NRXN1: variants seen among roughly 807,000 people sequenced by gnomAD.
NRXN1 encodes the protein neurexin-1.
Under a neutral mutation model 150.9 loss-of-function variants are expected in NRXN1, and 39 were observed. That is an observed-to-expected ratio of 0.26 (90% CI 0.20 to 0.34). The LOEUF is 0.34. Among genes scored for constraint, NRXN1 ranks in the 10% least tolerant of loss-of-function variants. The probability of loss-of-function intolerance (pLI) is 1.00; values close to 1 mark genes in which losing one functional copy is unlikely to be tolerated. For missense variants in NRXN1, 1,815 were observed against 1,949.9 expected, an observed-to-expected ratio of 0.93 and a Z score of 1.30; for synonymous variants, 924 against 757.0, an observed-to-expected ratio of 1.22 and a Z score of -3.62.
chr2:50,205,993 T>C (rs905232574), intron 18 of NRXN1, among the ~76,000 whole-genome samples: 4 of 152,170 alleles, frequency 2.6e-5, no homozygotes, highest in East Asian at 1.9e-4. Flanking sequence ...AATTTGATTA[T>C]GGTGATGGTT....
At chr2:50,431,161 G>C (rs1304332841) in intron 17 of NRXN1, among the ~76,000 whole-genome samples, 1 of 151,974 alleles carries the variant, frequency 6.6e-6, no homozygotes, top group Non-Finnish European at 1.5e-5. Context: ...TCTTCTTTTT[G>C]TATGTCCAAT....
At chr2:50,852,510 T>C (rs1277803274) in intron 5 of NRXN1, among the ~76,000 whole-genome samples, 2 of 152,186 alleles carry the variant, frequency 1.3e-5, no homozygotes, top group Non-Finnish European at 2.9e-5. Flanking sequence ...AATTCTTTGA[T>C]TGTCAAAAAG....
At chr2:50,575,562 C>T (rs771661922) in intron 8 of NRXN1, among the ~76,000 whole-genome samples, 3 of 152,042 alleles carry the variant, frequency 2.0e-5, no homozygotes, top group Admixed American at 6.6e-5. Flanking sequence ...CTTTTTATTG[C>T]CTAATTTTAT....
At chr2:50,715,343 G>C (rs1695731193) in intron 5 of NRXN1, among the ~76,000 whole-genome samples, 1 of 152,120 alleles carries the variant, frequency 6.6e-6, no homozygotes, top group South Asian at 2.1e-4. Flanking sequence ...TTCTAGTTGT[G>C]TGACATTGGG....
chr2:50,765,440 C>G (rs1702272422), intron 5 of NRXN1, among the ~76,000 whole-genome samples: 1 of 152,080 alleles, frequency 6.6e-6, no homozygotes, highest in Non-Finnish European at 1.5e-5. Flanking sequence ...TATCTTCTCT[C>G]ACTTTTCTCT....
chr2:50,832,156 C>A (rs1671496052), intron 5 of NRXN1, among the ~76,000 whole-genome samples: 1 of 151,974 alleles, frequency 6.6e-6, no homozygotes. Flanking sequence ...TAAGCCTAAA[C>A]TAGAATGATC....
chr2:50,882,820 T>C lies in NRXN1; in HGVS notation c.832+39049A>G, dbSNP rs139522132. 2.7e-3 allele frequency among the ~76,000 whole-genome samples: 415 copies of C among 152,002 alleles called. 2 individuals carry two copies. Among genetic ancestry groups the C allele is most frequent in the African/African-American group, 8.6e-3 (358 of 41,532 alleles). On this transcript the variant is annotated intron_variant, in intron 5 of 22. Transcript: ENST00000401669. ...AACAATGAGTGACCATAATCATAAA[T>C]TGTGTATCATTTTTCTGTAACAGAC...
chr2:50,080,066 C>T (rs1308839010), intron 19 of NRXN1, among the ~76,000 whole-genome samples: 1 of 152,054 alleles, frequency 6.6e-6, no homozygotes, highest in Non-Finnish European at 1.5e-5. Context: ...CCACTCTGTC[C>T]CTCATGACAC....
chr2:50,505,289 A>G (rs148490804), intron 13 of NRXN1, among the ~76,000 whole-genome samples: 161 of 152,314 alleles, frequency 1.1e-3, no homozygotes, highest in African/African-American at 3.5e-3. Flanking sequence ...CCAATAAAAC[A>G]TAATTCACTT....
intron 5 of NRXN1, among the ~76,000 whole-genome samples, chr2:50,824,013 A>C (rs1670093636): frequency 6.6e-6 from 1 of 152,184 alleles, no homozygotes; most frequent in Non-Finnish European, 1.5e-5. Context: ...TGAACAAGAA[A>C]TGAGAAACAA....
At chr2:50,633,689 T>A (rs530696078) in intron 5 of NRXN1, among the ~76,000 whole-genome samples, 2 of 152,240 alleles carry the variant, frequency 1.3e-5, no homozygotes, top group South Asian at 2.1e-4. Flanking sequence ...TATCTTTGAT[T>A]TCAACACAGA....
chr2:50,727,388 T>C (rs557534454), intron 5 of NRXN1, among the ~76,000 whole-genome samples: 1 of 152,296 alleles, frequency 6.6e-6, no homozygotes, highest in East Asian at 1.9e-4. Flanking sequence ...AATGCTTCAA[T>C]TATGAAATAT....
At chr2:50,453,208 G>T (rs1162228570) in intron 17 of NRXN1, among the ~76,000 whole-genome samples, 1 of 150,280 alleles carries the variant, frequency 6.7e-6, no homozygotes, top group Non-Finnish European at 1.5e-5. Flanking sequence ...CAATGTAAGG[G>T]TATATTAGAA....
At chr2:50,281,729 C>T (rs1301256386) in intron 17 of NRXN1, among the ~76,000 whole-genome samples, 1 of 152,024 alleles carries the variant, frequency 6.6e-6, no homozygotes, top group Non-Finnish European at 1.5e-5. Flanking sequence ...AAAATGAGAC[C>T]CAGTCATCTC....
intron 5 of NRXN1, among the ~76,000 whole-genome samples, chr2:50,805,597 G>A (rs1247584648): frequency 1.3e-5 from 2 of 152,004 alleles, no homozygotes; most frequent in African/African-American, 2.4e-5. Context: ...CCAAGATCAC[G>A]CCACCACACT....
At chr2:50,756,517 T>C (rs1469574490) in intron 5 of NRXN1, among the ~76,000 whole-genome samples, 4 of 151,856 alleles carry the variant, frequency 2.6e-5, no homozygotes, top group Non-Finnish European at 5.9e-5. Context: ...CCTTACCCTT[T>C]GTTCTAGCAA....
chr2:50,854,641 G>A (rs1013665879), intron 5 of NRXN1, among the ~76,000 whole-genome samples: 1 of 151,990 alleles, frequency 6.6e-6, no homozygotes, highest in Non-Finnish European at 1.5e-5. Context: ...AATACCCAAA[G>A]GCATTTTGCT....
intron 13 of NRXN1, among the ~76,000 whole-genome samples, chr2:50,500,886 T>C (rs1031416507): frequency 6.6e-6 from 1 of 152,172 alleles, no homozygotes; most frequent in Non-Finnish European, 1.5e-5. Flanking sequence ...AATTGCTGAT[T>C]GTGTGGTATA....
At chr2:50,240,411 A>G (rs895534630) in intron 17 of NRXN1, among the ~76,000 whole-genome samples, 10 of 151,742 alleles carry the variant, frequency 6.6e-5, no homozygotes, top group African/African-American at 2.4e-4. Flanking sequence ...ACATACTTCT[A>G]TAAGCACTCT....
Sources: allele counts gnomAD v4.1 joint callset (sites outside exome capture counted in the v4.1 genomes callset), GRCh38; gene constraint gnomAD v4.1.1; transcripts MANE v1.5; gene names NCBI Gene and HGNC (gene_info 2026-07-23, HGNC 2026-07-21).